The following MAN1A1 variants were observed in gnomAD, a reference collection of about 807,000 sequenced individuals.
MAN1A1 encodes mannosidase alpha class 1A member 1, also known as mannosyl-oligosaccharide 1,2-alpha-mannosidase IA.
MAN1A1 carries 29 observed loss-of-function variants against 70.8 expected under a neutral mutation model. The observed-to-expected ratio is 0.41, with a 90% confidence interval of 0.31 to 0.56. MAN1A1 has a LOEUF of 0.56. MAN1A1 is among the 20% of genes least tolerant of loss of function. The probability of loss-of-function intolerance (pLI) is 0.29; values close to 1 mark genes in which losing one functional copy is unlikely to be tolerated. For synonymous variants in MAN1A1, 349 were observed against 330.1 expected (o/e 1.06, Z -0.62); for missense variants, 747 against 841.3 (o/e 0.89, Z 1.39).
intron 6 of MAN1A1, among the ~76,000 whole-genome samples, chr6:119,237,783 T>G (rs868230599): frequency 6.6e-6 from 1 of 152,308 alleles, no homozygotes; most frequent in Non-Finnish European, 1.5e-5. Flanking sequence ...TAGTCCTACT[T>G]TAACAAATAA....
intron 3 of MAN1A1, among the ~76,000 whole-genome samples, chr6:119,303,182 C>T (rs1258542978): frequency 2.6e-5 from 4 of 152,064 alleles, no homozygotes; most frequent in Non-Finnish European, 5.9e-5. Flanking sequence ...CCATGCCTGG[C>T]TAATTTTAAA....
intron 6 of MAN1A1, among the ~76,000 whole-genome samples, chr6:119,210,142 G>A (rs965511445): frequency 2.0e-5 from 3 of 152,122 alleles, no homozygotes; most frequent in African/African-American, 7.2e-5. Flanking sequence ...GGGAAGACGG[G>A]GGTTATGAAG....
At chr6:119,344,673 TAA>T (rs912040360) in intron 2 of MAN1A1, among the ~76,000 whole-genome samples, 13 of 152,330 alleles carry the variant, frequency 8.5e-5, no homozygotes, top group African/African-American at 3.1e-4. Context: ...AGTGTCAAAA[TAA>T]AAGTGTTTTG....
intron 7 of MAN1A1, among the ~76,000 whole-genome samples, chr6:119,203,851 G>C (rs1354324432): frequency 6.6e-6 from 1 of 152,086 alleles, no homozygotes; most frequent in Admixed American, 6.6e-5. Context: ...GGAGTTCAGG[G>C]GACAGGTTGG....
chr6:119,349,826 G>T, upstream of MAN1A1: 1 of 901,514 alleles, frequency 1.1e-6, no homozygotes. Flanking sequence ...GAGTGACGGC[G>T]CGGCCGGGCC....
In MAN1A1 at chr6:119,348,589, C is replaced by G; in HGVS notation, c.477G>C (p.Gln159His). 2.5e-6 allele frequency: 4 copies of G among 1,613,998 alleles called. No homozygotes were observed. The highest frequency in any genetic ancestry group is 3.4e-6 in the Non-Finnish European group (4 of 1,179,924). Residue 159 changes from glutamine to histidine, a missense_variant, in exon 2 of 13, where the codon CAG becomes CAC. Around this residue, in one of 2 missense-constraint regions of MAN1A1, gnomAD observed 328 missense variants for 293.1 expected, o/e 1.12. Transcript: ENST00000368468. The part of the protein sequence containing the change: ...DILLEKKKVA[Q>H]DQLRDKAPFR... ...ACGGCGCCTTGTCACGCAGCTGGTC[C>G]TGGGCCACCTTCTTCTTCTCCAGTA... is the stretch of plus-strand genomic sequence containing the variant.
intron 2 of MAN1A1, among the ~76,000 whole-genome samples, chr6:119,341,829 A>G (rs764694543): frequency 1.6e-4 from 24 of 152,198 alleles, no homozygotes; most frequent in South Asian, 1.0e-3. Context: ...AAGATAGATA[A>G]CTCAGCCAAG....
Position 119,349,670 on chromosome 6 carries a change from G to A in MAN1A1, c.-351C>T, listed in dbSNP as rs1389548155. On this transcript the variant is annotated 5_prime_UTR_variant, in exon 1 of 13. Coordinates refer to ENST00000368468, the MANE Select transcript of MAN1A1 (RefSeq NM_005907.4). Reference sequence around the variant, plus strand: ...CGCTGTCCCACGGTCCCGCAGCCCCGGCGCGGCTCAGGTGGGCGAGCGCGC... The same window carrying A: ...CGCTGTCCCACGGTCCCGCAGCCCCAGCGCGGCTCAGGTGGGCGAGCGCGC... 1 of 985,890 alleles carries A rather than the reference G, an allele frequency of 1.0e-6. No homozygotes were observed. Among genetic ancestry groups the A allele is most frequent in the Non-Finnish European group, 1.2e-6 (1 of 830,018 alleles). 61.1% of individuals were successfully genotyped at this position (985,890 alleles called of 1,614,324 possible).
intron 5 of MAN1A1, among the ~76,000 whole-genome samples, chr6:119,272,218 T>G (rs948823199): frequency 3.3e-5 from 5 of 152,216 alleles, no homozygotes; most frequent in African/African-American, 1.2e-4. Flanking sequence ...GTTTCCATGG[T>G]AAAGTGAGTC....
chr6:119,267,262 G>A (rs1387993495), intron 5 of MAN1A1, among the ~76,000 whole-genome samples: 1 of 152,146 alleles, frequency 6.6e-6, no homozygotes, highest in Non-Finnish European at 1.5e-5. Flanking sequence ...GAAAATTTAT[G>A]ACCATACAAA....
Position 119,349,185 on chromosome 6 carries a change from G to A in MAN1A1, c.-120C>T. ...GCCAGGCCGCCCGACCCCCTCGGCT[G>A]GGCTGCGGATCCTCCCTGGGGGAAC... On this transcript the variant is annotated 5_prime_UTR_variant, in exon 2 of 13. Transcript: ENST00000368468. 1 of 1,228,768 alleles carries A rather than the reference G, an allele frequency of 8.1e-7. No individual in the cohort carries two copies. 76.1% of individuals were successfully genotyped at this position (1,228,768 alleles called of 1,614,324 possible). A position where few individuals can be genotyped will look rare whatever the true frequency, so the allele number is the denominator to read the frequency against.
At chr6:119,294,382 AG>A (rs1562229818) in intron 4 of MAN1A1, among the ~76,000 whole-genome samples, 1 of 152,112 alleles carries the variant, frequency 6.6e-6, no homozygotes, top group South Asian at 2.1e-4. Context: ...TATTTGCAGC[AG>A]GGGGAAGACA....
intron 2 of MAN1A1, among the ~76,000 whole-genome samples, chr6:119,317,975 G>A (rs1399589260): frequency 6.6e-6 from 1 of 151,906 alleles, no homozygotes; most frequent in African/African-American, 2.4e-5. Flanking sequence ...TAGAATCCAT[G>A]ATCTTGTAAG....
intron 5 of MAN1A1, among the ~76,000 whole-genome samples, chr6:119,282,777 A>G (rs1488636169): frequency 6.6e-6 from 1 of 152,188 alleles, no homozygotes; most frequent in Non-Finnish European, 1.5e-5. Flanking sequence ...TTACATTAAT[A>G]TAACAATCAG....
At chr6:119,313,131 G>A (rs112726969) in intron 2 of MAN1A1, among the ~76,000 whole-genome samples, 5 of 152,118 alleles carry the variant, frequency 3.3e-5, no homozygotes, top group Non-Finnish European at 5.9e-5. Context: ...GAGCAATTAC[G>A]GGAAAGGAAA....
intron 2 of MAN1A1, among the ~76,000 whole-genome samples, chr6:119,318,299 T>C (rs73767443): frequency 0.012 from 1,818 of 152,292 alleles, 38 homozygotes; most frequent in African/African-American, 0.042. Context: ...GCAAGGAAGG[T>C]AGTCTCCCCA....
At chr6:119,305,908 C>A (rs9489681) in intron 3 of MAN1A1, among the ~76,000 whole-genome samples, 57,421 of 151,882 alleles carry the variant, frequency 0.38, 11,333 homozygotes, top group Non-Finnish European at 0.41. Flanking sequence ...CTAATGTTAG[C>A]CACACCAGGG....
At chr6:119,246,048 C>T (rs1775159641) in intron 6 of MAN1A1, among the ~76,000 whole-genome samples, 2 of 152,076 alleles carry the variant, frequency 1.3e-5, no homozygotes, top group Admixed American at 1.3e-4. Flanking sequence ...GAAAAATCTA[C>T]TTGGCAGTTG....
At chr6:119,348,274 T>A (rs114468272) in intron 2 of MAN1A1, among the ~76,000 whole-genome samples, 189 bp downstream of exon 2, 291 of 152,348 alleles carry the variant, frequency 1.9e-3, no homozygotes, top group African/African-American at 6.7e-3. Flanking sequence ...CCTTAGATCT[T>A]ACTGGACACA....
Sources: gnomAD v4.1 joint callset for allele counts (sites outside exome capture counted in the v4.1 genomes callset) on GRCh38, gnomAD v4.1.1 for gene constraint, gnomAD v4.1.1 regional missense constraint, MANE v1.5 for transcripts, NCBI Gene and HGNC (gene_info 2026-07-23, HGNC 2026-07-21) for gene names.